The following CNTN5 variants were observed in gnomAD, a reference collection of about 807,000 sequenced individuals.
CNTN5 encodes the protein contactin-5.
In CNTN5, 77 loss-of-function variants were observed where a neutral mutation model predicts 129.1. The ratio of observed to expected loss-of-function variants is 0.60; its 90% CI spans 0.50 to 0.72. The LOEUF is 0.72. Among genes scored for constraint, CNTN5 ranks in the 30% least tolerant of loss-of-function variants. The probability of loss-of-function intolerance (pLI) is 0.00; values close to 1 mark genes in which losing one functional copy is unlikely to be tolerated. For synonymous variants in CNTN5, 509 were observed against 465.6 expected, an observed-to-expected ratio of 1.09 and a Z score of -1.20; for missense variants, 1,478 against 1,328.8, an observed-to-expected ratio of 1.11 and a Z score of -1.75.
At chr11:100,030,416 G>T in intron 9 of CNTN5, among the ~76,000 whole-genome samples, 1 of 152,102 alleles carries the variant, frequency 6.6e-6, no homozygotes, top group African/African-American at 2.4e-5. Context: ...GACAGCAGAA[G>T]TCTCTGTCTT....
At chr11:99,843,776 C>A (rs930592504) in intron 4 of CNTN5, among the ~76,000 whole-genome samples, 1 of 152,082 alleles carries the variant, frequency 6.6e-6, no homozygotes, top group Non-Finnish European at 1.5e-5. Context: ...AAGATCTGTC[C>A]CAAAACATCA....
In CNTN5 at chr11:99,319,746, A is replaced by G. The variant is rs282487; in HGVS notation, c.-209-5600A>G. On this transcript the variant is annotated intron_variant, in intron 1 of 24. Transcript: ENST00000524871. ...TATCTAGACATTTATTTGATTTGCA[A>G]TTTGAACCACCATTCTGGCTTCATC... Among the ~76,000 whole-genome samples the G allele has an allele frequency of 8.5e-3, 1,301 of 152,252 alleles. 8 individuals carry two copies. Among genetic ancestry groups the G allele is most frequent in the Non-Finnish European group, 0.011 (780 of 68,032 alleles).
chr11:99,093,366 C>T (rs578092714), intron 1 of CNTN5, among the ~76,000 whole-genome samples: 2 of 151,810 alleles, frequency 1.3e-5, no homozygotes, highest in East Asian at 3.9e-4. Flanking sequence ...GGAAGCAAAG[C>T]ATAAATCAAA....
intron 18 of CNTN5, among the ~76,000 whole-genome samples, chr11:100,280,484 A>G (rs1950612905): frequency 6.6e-6 from 1 of 151,978 alleles, no homozygotes; most frequent in Admixed American, 6.6e-5. Context: ...TTTTTTTCTC[A>G]TATGAATATA....
intron 8 of CNTN5, among the ~76,000 whole-genome samples, chr11:99,963,013 A>T (rs934774463): frequency 5.3e-5 from 8 of 151,470 alleles, no homozygotes; most frequent in African/African-American, 7.3e-5. Flanking sequence ...TTGTTTGTTT[A>T]TTTCTTGTAA....
intron 2 of CNTN5, among the ~76,000 whole-genome samples, chr11:99,401,057 T>C (rs1277116951): frequency 6.6e-6 from 1 of 152,178 alleles, no homozygotes; most frequent in African/African-American, 2.4e-5. Flanking sequence ...GGTTGTTTCC[T>C]TTACCTTGCA....
intron 1 of CNTN5, among the ~76,000 whole-genome samples, chr11:99,263,479 A>G (rs559733257): frequency 6.6e-6 from 1 of 152,272 alleles, no homozygotes; most frequent in East Asian, 1.9e-4. Flanking sequence ...GGTTTTATTT[A>G]ATGATTTTTC....
At chr11:100,199,935 T>C (rs966407613) in intron 15 of CNTN5, among the ~76,000 whole-genome samples, 3 of 152,028 alleles carry the variant, frequency 2.0e-5, no homozygotes, top group African/African-American at 4.8e-5. Context: ...AAACCTGATA[T>C]AAAGCGTTTT....
intron 1 of CNTN5, among the ~76,000 whole-genome samples, chr11:99,105,278 C>A (rs1297347704): frequency 6.6e-6 from 1 of 151,730 alleles, no homozygotes; most frequent in African/African-American, 2.4e-5. Context: ...CTATAGTAAC[C>A]AAAAGCATAA....
At chr11:100,203,599 T>C (rs754722543) in intron 15 of CNTN5, among the ~76,000 whole-genome samples, 4 of 151,944 alleles carry the variant, frequency 2.6e-5, no homozygotes, top group Non-Finnish European at 5.9e-5. Context: ...CATCAAATTT[T>C]CAAATATTAC....
intron 20 of CNTN5, among the ~76,000 whole-genome samples, chr11:100,306,182 G>A (rs1951345082): frequency 6.6e-6 from 1 of 151,626 alleles, no homozygotes; most frequent in Non-Finnish European, 1.5e-5. Flanking sequence ...AAATGTAGGT[G>A]TGGTATGACC....
intron 13 of CNTN5, among the ~76,000 whole-genome samples, chr11:100,087,030 A>G (rs899185838): frequency 6.6e-6 from 1 of 151,798 alleles, no homozygotes; most frequent in Non-Finnish European, 1.5e-5. Context: ...TAATTCAATT[A>G]CAAACAAATA....
At position 100,284,306 on chromosome 11, in the gene CNTN5, G is replaced by A. The variant is rs146494946; in HGVS notation, c.2314+13065G>A. On this transcript the variant is annotated intron_variant, in intron 18 of 24. Coordinates refer to ENST00000524871, the MANE Select transcript of CNTN5 (RefSeq NM_014361.4). ...CCTTGCCAAGGGGACAATCAGTGGAGCCTTCTATTCTGCCATCTTGCTCTG... is the reference window on the plus strand; with the variant it reads ...CCTTGCCAAGGGGACAATCAGTGGAACCTTCTATTCTGCCATCTTGCTCTG... 3.4e-4 allele frequency among the ~76,000 whole-genome samples: 52 copies of A among 152,278 alleles called. 1 individual carries two copies. Among genetic ancestry groups the A allele is most frequent in the African/African-American group, 1.2e-3 (49 of 41,558 alleles).
chr11:99,389,742 A>C (rs996759630), intron 2 of CNTN5, among the ~76,000 whole-genome samples: 1 of 152,186 alleles, frequency 6.6e-6, no homozygotes, highest in Non-Finnish European at 1.5e-5. Context: ...TGCAAATAAG[A>C]AGCTGGAATT....
intron 16 of CNTN5, among the ~76,000 whole-genome samples, chr11:100,240,208 A>T (rs1591427474): frequency 6.6e-6 from 1 of 151,962 alleles, no homozygotes; most frequent in Admixed American, 6.6e-5. Flanking sequence ...CATCTGTTAC[A>T]AATTATCAAC....
At chr11:99,239,516 G>A (rs1022645336) in intron 1 of CNTN5, among the ~76,000 whole-genome samples, 1 of 152,134 alleles carries the variant, frequency 6.6e-6, no homozygotes, top group Non-Finnish European at 1.5e-5. Flanking sequence ...AAATTACTAG[G>A]GGAGGGTGAT....
At chr11:100,119,775 A>C (rs1945953736) in intron 13 of CNTN5, among the ~76,000 whole-genome samples, 1 of 151,834 alleles carries the variant, frequency 6.6e-6, no homozygotes, top group Non-Finnish European at 1.5e-5. Context: ...TCCAAATTTT[A>C]TCTCTGAGTC....
chr11:99,431,700 G>C (rs2656205), intron 2 of CNTN5, among the ~76,000 whole-genome samples: 69,092 of 151,918 alleles, frequency 0.45, 16,367 homozygotes, highest in Non-Finnish European at 0.52. Context: ...TGAGACAGGA[G>C]GTCTTAATCA....
intron 16 of CNTN5, among the ~76,000 whole-genome samples, chr11:100,240,989 G>C (rs921904576): frequency 6.6e-6 from 1 of 152,186 alleles, no homozygotes; most frequent in Non-Finnish European, 1.5e-5. Context: ...CTGCATTGCA[G>C]AATTCTAATG....
Sources: gnomAD v4.1 joint callset for allele counts (sites outside exome capture counted in the v4.1 genomes callset) on GRCh38, gnomAD v4.1.1 for gene constraint, MANE v1.5 for transcripts, NCBI Gene and HGNC (gene_info 2026-07-23, HGNC 2026-07-21) for gene names.